Variants in TNS1 observed in about 807,000 individuals in gnomAD.
TNS1 encodes tensin-1.
Under a neutral mutation model 168.6 loss-of-function variants are expected in TNS1, and 62 were observed. The ratio of observed to expected loss-of-function variants is 0.37; its 90% CI spans 0.30 to 0.45. The LOEUF (loss-of-function observed/expected upper bound fraction) is 0.45. Among genes scored for constraint, TNS1 ranks in the 20% least tolerant of loss-of-function variants. TNS1 has a pLI of 1.00. For synonymous variants in TNS1, 934 were observed against 933.2 expected, an observed-to-expected ratio of 1.00 and a Z score of -0.02; for missense variants, 2,240 against 2,339.4, an observed-to-expected ratio of 0.96 and a Z score of 0.88.
chr2:218,023,259 G>A (rs780458878), intron 1 of TNS1, among the ~76,000 whole-genome samples: 7 of 152,178 alleles, frequency 4.6e-5, no homozygotes, highest in South Asian at 2.1e-4. Context: ...TGGGAACCCC[G>A]AGACCAGGCT....
At chr2:218,011,608 C>A (rs77415798), upstream of TNS1, among the ~76,000 whole-genome samples, 2,731 of 152,200 alleles carry the variant, frequency 0.018, 79 homozygotes, top group African/African-American at 0.063. Flanking sequence ...CCTGCACCAG[C>A]CAGGGTCCCT....
intron 4 of TNS1, among the ~76,000 whole-genome samples, chr2:217,915,150 G>C (rs1377448185): frequency 6.6e-6 from 1 of 152,136 alleles, no homozygotes; most frequent in Non-Finnish European, 1.5e-5. Flanking sequence ...AATGCATCGG[G>C]TCGGAGTTCA....
At chr2:217,888,970 C>A (rs80311534) in intron 12 of TNS1, among the ~76,000 whole-genome samples, 2,247 of 152,320 alleles carry the variant, frequency 0.015, 49 homozygotes, top group African/African-American at 0.051. Flanking sequence ...TCTCTCCAAG[C>A]CACACTGTGC....
At chr2:217,869,562 T>C (rs987443501) in intron 18 of TNS1, among the ~76,000 whole-genome samples, 2 of 152,070 alleles carry the variant, frequency 1.3e-5, no homozygotes, top group African/African-American at 4.8e-5. Context: ...TGCGTGGGAC[T>C]CTGAGTGGCC....
intron 18 of TNS1, among the ~76,000 whole-genome samples, chr2:217,864,426 T>A (rs972281811): frequency 1.6e-4 from 24 of 152,200 alleles, no homozygotes. Context: ...ATAAAGAAAC[T>A]AAGGCTCAGG....
At chr2:217,885,850 G>A (rs368226424) in intron 14 of TNS1, 31 bp from the exon 15 acceptor site, 171 of 1,611,258 alleles carry the variant, frequency 1.1e-4, no homozygotes, top group Non-Finnish European at 1.4e-4. Flanking sequence ...GAAAAAGAGT[G>A]GGCTGCTGGA....
At chr2:217,886,766 C>G in intron 12 of TNS1, 120 bp from the exon 13 acceptor site, 1 of 758,856 alleles carries the variant, frequency 1.3e-6, no homozygotes, top group Admixed American at 2.2e-5. Context: ...TCTCCCCAAC[C>G]AACATGGTCC....
At chr2:217,845,080 C>T (rs1380156135) in intron 19 of TNS1, among the ~76,000 whole-genome samples, 2 of 152,208 alleles carry the variant, frequency 1.3e-5, no homozygotes, top group Non-Finnish European at 2.9e-5. Flanking sequence ...ACTGCCCCTA[C>T]CTTCTCCTCT....
chr2:217,802,589 A>G lies in TNS1; in HGVS notation c.*1870T>C, dbSNP rs948486829. ...GCTGGGACATGTGCAACCCCTCCCA[A>G]TGCTGAGCCCCACACAGTCTAGGGA... On this transcript the variant is annotated 3_prime_UTR_variant, in exon 33 of 33. Coordinates refer to ENST00000682258, the MANE Select transcript of TNS1 (RefSeq NM_001387777.1). 2.0e-5 allele frequency: 3 copies of G among 152,236 alleles called. No individual in the cohort carries two copies. Among genetic ancestry groups the G allele is most frequent in the African/African-American group, 2.4e-5 (1 of 41,412 alleles). The allele number at this position is 152,236 out of a possible 1,614,324, so 9.4% of individuals were successfully genotyped here. A position where few individuals can be genotyped will look rare whatever the true frequency, so the allele number is the denominator to read the frequency against.
chr2:217,808,361 G>A (rs1452061994), intron 31 of TNS1, among the ~76,000 whole-genome samples: 3 of 152,136 alleles, frequency 2.0e-5, no homozygotes, highest in African/African-American at 7.2e-5. Context: ...GCAGATTCAA[G>A]GTCAGGGCAT....
At chr2:217,968,161 A>G (rs1957692722) in intron 3 of TNS1, among the ~76,000 whole-genome samples, 1 of 152,266 alleles carries the variant, frequency 6.6e-6, no homozygotes. Context: ...GATGAAGGGC[A>G]TCTGTGAAAA....
In TNS1 at chr2:217,886,645, A is replaced by T; in HGVS notation, c.868T>A (p.Tyr290Asn). The T allele has an allele frequency of 6.3e-7, 1 of 1,577,972 alleles. No homozygotes were observed. Among genetic ancestry groups the T allele is most frequent in the Non-Finnish European group, 8.6e-7 (1 of 1,160,674 alleles). The change falls in exon 13 of 33, where the codon TAC (tyrosine) becomes AAC (asparagine). Residue 290 changes from tyrosine (Y) to asparagine (N), a missense_variant and splice_region_variant. Around this residue, in one of 2 missense-constraint regions of TNS1, gnomAD observed 2,131 missense variants for 2,171.2 expected, o/e 0.98. Transcript: ENST00000682258. ...VPIGQPSQRR[Y>N]VHYFSGLLSG... ...AGCAGGCCACTGAAGTAATGCACGT[A>T]CCTGTAGTGGTGGGAGAAGCAGCTT...
chr2:217,922,011 C>A (rs367790872), intron 3 of TNS1, among the ~76,000 whole-genome samples: 5 of 152,154 alleles, frequency 3.3e-5, no homozygotes, highest in Admixed American at 3.3e-4. Flanking sequence ...GCCCCAATTT[C>A]GGAAGAATGA....
intron 6 of TNS1, among the ~76,000 whole-genome samples, chr2:217,900,987 A>G (rs760791914): frequency 1.3e-5 from 2 of 152,076 alleles, no homozygotes; most frequent in Admixed American, 6.5e-5. Context: ...CAAGTCATTC[A>G]ATTGAGTTTA....
intron 1 of TNS1, among the ~76,000 whole-genome samples, chr2:218,022,341 C>T (rs769228477): frequency 1.6e-4 from 25 of 152,180 alleles, no homozygotes; most frequent in Admixed American, 3.3e-4. Flanking sequence ...TCTCAAAAGC[C>T]GCAGCCTCCT....
intron 3 of TNS1, 89 bp from the exon 4 acceptor site, chr2:217,920,325 G>T: frequency 4.3e-6 from 3 of 698,150 alleles, no homozygotes; most frequent in Admixed American, 2.0e-5. Context: ...ACCTCCCCCT[G>T]CTTCATTCCC....
At chr2:217,858,421 C>T in intron 18 of TNS1, 1 of 758,674 alleles carries the variant, frequency 1.3e-6, no homozygotes, top group African/African-American at 1.9e-5. Context: ...GCACGAGCAC[C>T]CCAGCCCAGA....
chr2:217,939,489 A>G (rs1956799006), intron 3 of TNS1, among the ~76,000 whole-genome samples: 1 of 152,210 alleles, frequency 6.6e-6, no homozygotes, highest in Non-Finnish European at 1.5e-5. Flanking sequence ...CAGGTGAGCA[A>G]ATGGGAAACT....
At chr2:217,815,108 G>A in intron 24 of TNS1, 110 bp from the exon 25 acceptor site, 1 of 841,726 alleles carries the variant, frequency 1.2e-6, no homozygotes, top group Non-Finnish European at 1.9e-6. Flanking sequence ...TTTGGAAATA[G>A]GGTCTTTGCA....
Sources: allele counts gnomAD v4.1 joint callset (sites outside exome capture counted in the v4.1 genomes callset), GRCh38; gene constraint gnomAD v4.1.1; regional missense constraint gnomAD v4.1.1; transcripts MANE v1.5; gene names NCBI Gene and HGNC (gene_info 2026-07-23, HGNC 2026-07-21).